The following FLI1 variants were observed in gnomAD, a reference collection of about 807,000 sequenced individuals.
FLI1 encodes the protein Fli-1 proto-oncogene, ETS transcription factor, also known as Friend leukemia integration 1 transcription factor.
FLI1 carries 13 observed loss-of-function variants against 53.1 expected under a neutral mutation model. That is an observed-to-expected ratio of 0.24 (90% CI 0.16 to 0.39). The LOEUF is 0.39. Among genes scored for constraint, FLI1 ranks in the 10% least tolerant of loss-of-function variants. The pLI, the probability that FLI1 is intolerant of heterozygous loss-of-function variation, is 1.00. For synonymous variants in FLI1, 244 were observed against 236.7 expected, an observed-to-expected ratio of 1.03 and a Z score of -0.28; for missense variants, 424 against 600.5, an observed-to-expected ratio of 0.71 and a Z score of 3.07.
rs1034461137 is a variant in FLI1, at chr11:128,726,093, T to C, written c.18+31817T>C. 3.9e-5 allele frequency among the ~76,000 whole-genome samples: 6 copies of C among 152,314 alleles called. No individual in the cohort carries two copies. The East Asian group carries it at 7.7e-4, about 20-fold the overall frequency. ...AGACCAGCTGCTACTATCACATTAC[T>C]GAGTCTTCTTCCAGAACCCCCGAGG... On this transcript the variant is annotated intron_variant, in intron 1 of 8. Transcript: ENST00000527786.
intron 5 of FLI1, among the ~76,000 whole-genome samples, chr11:128,800,669 G>T (rs1338467614): frequency 6.6e-6 from 1 of 152,158 alleles, no homozygotes; most frequent in Non-Finnish European, 1.5e-5. Flanking sequence ...ACCTCAGGAG[G>T]CTCTCCTGGA....
intron 1 of FLI1, among the ~76,000 whole-genome samples, chr11:128,757,092 CTT>C (rs752180452): frequency 0.016 from 2,417 of 146,988 alleles, 57 homozygotes; most frequent in East Asian, 0.055. Flanking sequence ...TTCTTTCTTT[CTT>C]TCTTTCTTTC....
intron 1 of FLI1, among the ~76,000 whole-genome samples, chr11:128,755,197 A>G (rs1940813901): frequency 6.6e-6 from 1 of 152,128 alleles, no homozygotes; most frequent in African/African-American, 2.4e-5. Context: ...TTGCCCATCT[A>G]TGGAGCATCA....
intron 5 of FLI1, among the ~76,000 whole-genome samples, chr11:128,783,057 A>T (rs2135866771): frequency 6.6e-6 from 1 of 152,334 alleles, no homozygotes; most frequent in Middle Eastern, 3.4e-3. Context: ...CTTGAAGAAT[A>T]ATAAGAGTGT....
chr11:128,721,715 G>C (rs139391532), intron 1 of FLI1, among the ~76,000 whole-genome samples: 1 of 152,162 alleles, frequency 6.6e-6, no homozygotes, highest in Admixed American at 6.5e-5. Context: ...GGGATTTCCT[G>C]TTTCTAAGAA....
At chr11:128,738,046 C>A (rs1447363718) in intron 1 of FLI1, among the ~76,000 whole-genome samples, 1 of 152,164 alleles carries the variant, frequency 6.6e-6, no homozygotes, top group African/African-American at 2.4e-5. Flanking sequence ...CTTAACAAGT[C>A]ATGGCAAGGT....
chr11:128,802,308 C>T (rs1422131413), intron 5 of FLI1, among the ~76,000 whole-genome samples: 1 of 152,194 alleles, frequency 6.6e-6, no homozygotes, highest in Non-Finnish European at 1.5e-5. Context: ...AGCCCCAGAG[C>T]CTACGGAGTG....
intron 3 of FLI1, among the ~76,000 whole-genome samples, chr11:128,769,236 G>T (rs558682766): frequency 1.3e-5 from 2 of 152,210 alleles, no homozygotes; most frequent in East Asian, 3.9e-4. Flanking sequence ...TGCACAAGAA[G>T]GGTGTTTACA....
At chr11:128,720,230 T>C (rs1279071259) in intron 1 of FLI1, among the ~76,000 whole-genome samples, 1 of 152,208 alleles carries the variant, frequency 6.6e-6, no homozygotes, top group African/African-American at 2.4e-5. Flanking sequence ...TATCATTAAA[T>C]ATTACACTAT....
In FLI1 at chr11:128,722,631, T is replaced by C. The variant is rs1939300711; in HGVS notation, c.18+28355T>C. 3.9e-5 allele frequency among the ~76,000 whole-genome samples: 6 copies of C among 152,320 alleles called. 1 individual carries two copies. The South Asian group carries it at 1.2e-3, about 32-fold the overall frequency. On this transcript the variant is annotated intron_variant, in intron 1 of 8. Coordinates refer to ENST00000527786, the MANE Select transcript of FLI1 (RefSeq NM_002017.5). ...AGTGCAACTATCTTCCAAAAATGTA[T>C]AAATTATCAAAGATGTATTCTATAA...
Position 128,810,553 on chromosome 11 carries a change from G to A in FLI1, c.924G>A (p.Glu308=), listed in dbSNP as rs770478495. The A allele has an allele frequency of 6.2e-7, 1 of 1,612,928 alleles. No individual in the cohort carries two copies. The highest frequency in any genetic ancestry group is 8.5e-7 in the Non-Finnish European group (1 of 1,179,552). The change falls in exon 9 of 9, where the codon GAG becomes GAA. Residue 308 remains glutamate, a synonymous_variant. Transcript: ENST00000527786. This position sits in a 1 kb window ranked among gnomAD's most constrained non-coding sequence, Gnocchi z 6.6. The part of the protein sequence containing the change: ...SCITWEGTNG[E]FKMTDPDEVA... The stretch of plus-strand genomic sequence containing the variant: ...TCACCTGGGAGGGGACCAACGGGGA[G>A]TTCAAAATGACGGACCCCGATGAGG...
chr11:128,713,181 G>A (rs1262972086), intron 1 of FLI1, among the ~76,000 whole-genome samples: 2 of 152,190 alleles, frequency 1.3e-5, no homozygotes, highest in Non-Finnish European at 2.9e-5. Flanking sequence ...AATGGTCTTA[G>A]GGGTGATGAA....
intron 1 of FLI1, among the ~76,000 whole-genome samples, chr11:128,748,729 G>T (rs1301606169): frequency 6.6e-6 from 1 of 152,190 alleles, no homozygotes; most frequent in Admixed American, 6.5e-5. Context: ...ATTGGAGACG[G>T]CAAAGTGGAA....
chr11:128,710,336 A>C (rs1358176184), intron 1 of FLI1, among the ~76,000 whole-genome samples: 1 of 152,214 alleles, frequency 6.6e-6, no homozygotes, highest in East Asian at 1.9e-4. Flanking sequence ...CTTCTTTTGC[A>C]ATCTTTTTAT....
intron 1 of FLI1, among the ~76,000 whole-genome samples, chr11:128,688,515 C>G (rs1671740287): frequency 6.6e-6 from 1 of 152,180 alleles, no homozygotes; most frequent in Non-Finnish European, 1.5e-5. Context: ...CAAGCCCCTG[C>G]CGTTGTCCGG....
At chr11:128,746,588 C>T (rs1485706884) in intron 1 of FLI1, among the ~76,000 whole-genome samples, 1 of 152,176 alleles carries the variant, frequency 6.6e-6, no homozygotes, top group Non-Finnish European at 1.5e-5. Context: ...AAAGACCAGG[C>T]CTCAAGGGAC....
chr11:128,794,703 G>A (rs1236431026), intron 5 of FLI1, among the ~76,000 whole-genome samples: 2 of 152,226 alleles, frequency 1.3e-5, no homozygotes, highest in Admixed American at 6.5e-5. Flanking sequence ...TCCTTGAGGA[G>A]GAAATATGGA....
At chr11:128,809,838 A>C (rs900199075) in intron 8 of FLI1, among the ~76,000 whole-genome samples, 4 of 152,076 alleles carry the variant, frequency 2.6e-5, no homozygotes, top group Admixed American at 1.3e-4. Flanking sequence ...GTGCCTGGTC[A>C]TTACTGCCAG....
intron 1 of FLI1, among the ~76,000 whole-genome samples, chr11:128,750,637 C>A (rs1427324131): frequency 1.3e-5 from 2 of 152,238 alleles, no homozygotes; most frequent in Non-Finnish European, 2.9e-5. Flanking sequence ...CTTAGCTAGA[C>A]TGTTTGAAGA....
Sources: allele counts gnomAD v4.1 joint callset (sites outside exome capture counted in the v4.1 genomes callset), GRCh38; gene constraint gnomAD v4.1.1; non-coding constraint Gnocchi (gnomAD v3.1); transcripts MANE v1.5; gene names NCBI Gene and HGNC (gene_info 2026-07-23, HGNC 2026-07-21).